The following SHISA9 variants were observed in gnomAD, a reference collection of about 807,000 sequenced individuals.
SHISA9 encodes protein shisa-9.
SHISA9 carries 13 observed loss-of-function variants against 38.0 expected under a neutral mutation model. The ratio of observed to expected loss-of-function variants is 0.34; its 90% confidence interval spans 0.22 to 0.54. SHISA9 has a LOEUF of 0.54. SHISA9 is among the 20% of genes least tolerant of loss of function. The probability of loss-of-function intolerance (pLI) is 0.91; values close to 1 mark genes in which losing one functional copy is unlikely to be tolerated. For synonymous variants in SHISA9, 275 were observed against 242.0 expected (o/e 1.14, Z -1.27); for missense variants, 538 against 575.8 (o/e 0.93, Z 0.67).
chr16:13,184,337 T>G (rs1042063332), intron 2 of SHISA9, among the ~76,000 whole-genome samples: 2 of 152,226 alleles, frequency 1.3e-5, no homozygotes, highest in Non-Finnish European at 2.9e-5. Context: ...TCCTGGGCTA[T>G]GGATTCCCAT....
At chr16:13,110,498 C>A (rs1232350160) in intron 2 of SHISA9, among the ~76,000 whole-genome samples, 3 of 152,206 alleles carry the variant, frequency 2.0e-5, no homozygotes, top group Non-Finnish European at 4.4e-5. Context: ...CCCTGTTTCT[C>A]TGGGACAAAT....
At chr16:13,174,104 C>T (rs552049312) in intron 2 of SHISA9, among the ~76,000 whole-genome samples, 2 of 152,242 alleles carry the variant, frequency 1.3e-5, no homozygotes, top group African/African-American at 4.8e-5. Context: ...TGGTTGATCT[C>T]CAAGGTCTTT....
At chr16:13,115,846 C>G (rs1477872430) in intron 2 of SHISA9, among the ~76,000 whole-genome samples, 2 of 152,362 alleles carry the variant, frequency 1.3e-5, no homozygotes, top group Middle Eastern at 3.4e-3. Flanking sequence ...TTCCTTCCAA[C>G]ACTGACTATC....
chr16:13,105,523 C>T (rs1240652917), intron 2 of SHISA9, among the ~76,000 whole-genome samples: 1 of 152,132 alleles, frequency 6.6e-6, no homozygotes, highest in Admixed American at 6.5e-5. Flanking sequence ...GTAGGATGTC[C>T]CCATGGGGCT....
At chr16:12,971,467 C>T (rs902448851) in intron 2 of SHISA9, among the ~76,000 whole-genome samples, 5 of 152,198 alleles carry the variant, frequency 3.3e-5, no homozygotes, top group African/African-American at 1.2e-4. Context: ...GGTCTTCCCA[C>T]GAAGGATGAG....
chr16:12,951,630 C>T (rs534870276), intron 2 of SHISA9, among the ~76,000 whole-genome samples: 364 of 152,022 alleles, frequency 2.4e-3, no homozygotes, highest in African/African-American at 5.0e-3. Context: ...CTGGGGATGG[C>T]GGTGGGGGAG....
the SHISA9 span, among the ~76,000 whole-genome samples, chr16:13,322,483 G>A: frequency 6.6e-6 from 1 of 152,198 alleles, no homozygotes; most frequent in Non-Finnish European, 1.5e-5. Context: ...CAAGGCTGTA[G>A]GTGGATAAGT....
At chr16:13,357,755 C>T in the SHISA9 span, among the ~76,000 whole-genome samples, 17 of 149,812 alleles carry the variant, frequency 1.1e-4, no homozygotes, top group Non-Finnish European at 3.0e-5. Flanking sequence ...GGGGTTTGTT[C>T]TCTGGCGGGT....
the SHISA9 span, among the ~76,000 whole-genome samples, chr16:13,335,846 C>T: frequency 6.6e-6 from 1 of 152,134 alleles, no homozygotes; most frequent in Admixed American, 6.5e-5. Flanking sequence ...GTGCTTCTGC[C>T]TTGTACCCCC....
At chr16:13,241,805 C>T (rs2051437505), downstream of SHISA9, among the ~76,000 whole-genome samples, 2 of 152,168 alleles carry the variant, frequency 1.3e-5, no homozygotes, top group South Asian at 2.1e-4. Flanking sequence ...GAGCAGATCC[C>T]CTGGGCTGTC....
chr16:13,033,208 G>A (rs12596738), intron 2 of SHISA9, among the ~76,000 whole-genome samples: 91,364 of 151,948 alleles, frequency 0.6, 28,453 homozygotes, highest in Middle Eastern at 0.74. Context: ...CCCATATTTG[G>A]TTAGGCTTGG....
chr16:13,003,075 G>A (rs2072546418), intron 2 of SHISA9, among the ~76,000 whole-genome samples: 1 of 152,208 alleles, frequency 6.6e-6, no homozygotes, highest in Non-Finnish European at 1.5e-5. Flanking sequence ...TCCAGTTGGA[G>A]GGAACAACAT....
At chr16:13,555,524 C>G in the SHISA9 span, among the ~76,000 whole-genome samples, 1 of 152,108 alleles carries the variant, frequency 6.6e-6, no homozygotes, top group Non-Finnish European at 1.5e-5. Flanking sequence ...AACAAGCAAT[C>G]GAATTGGTTT....
intron 3 of SHISA9, 115 bp downstream of exon 3, chr16:13,203,664 T>C (rs2051029413): frequency 8.6e-7 from 1 of 1,162,944 alleles, no homozygotes. Flanking sequence ...TAGCTCTCTT[T>C]TTTTCTCTTT....
chr16:13,256,579 C>T, the SHISA9 span, among the ~76,000 whole-genome samples: 11 of 152,166 alleles, frequency 7.2e-5, no homozygotes, highest in African/African-American at 1.7e-4. Context: ...TGCACCTGGC[C>T]GTATATTGTT....
intron 3 of SHISA9, among the ~76,000 whole-genome samples, chr16:13,204,166 CTATT>C (rs375021849): frequency 0.053 from 7,697 of 146,404 alleles, 290 homozygotes; most frequent in South Asian, 0.16. Context: ...ATCTATCTAT[CTATT>C]TATCTATCAT....
the SHISA9 span, among the ~76,000 whole-genome samples, chr16:13,367,712 G>GCGCA: frequency 0.018 from 1,859 of 104,612 alleles, 18 homozygotes; most frequent in Admixed American, 0.023. Flanking sequence ...GCGCGCGCGC[G>GCGCA]CACACACACA....
At chr16:13,498,319 A>G in the SHISA9 span, among the ~76,000 whole-genome samples, 1 of 152,232 alleles carries the variant, frequency 6.6e-6, no homozygotes, top group Non-Finnish European at 1.5e-5. Flanking sequence ...CCTCAATGCT[A>G]GTAGTGTAAA....
At chr16:13,510,666 A>T in the SHISA9 span, among the ~76,000 whole-genome samples, 6 of 152,228 alleles carry the variant, frequency 3.9e-5, no homozygotes, top group Admixed American at 6.5e-5. Context: ...AGTGACTATT[A>T]AAAAATAATA....
Sources: allele counts gnomAD v4.1 joint callset (sites outside exome capture counted in the v4.1 genomes callset), GRCh38; gene constraint gnomAD v4.1.1; transcripts MANE v1.5; gene names NCBI Gene and HGNC (gene_info 2026-07-23, HGNC 2026-07-21).